Variants in PRKN observed in about 807,000 individuals in gnomAD.
The protein encoded by PRKN is parkin RBR E3 ubiquitin protein ligase, also known as E3 ubiquitin-protein ligase parkin.
A neutral mutation model predicts 59.5 loss-of-function variants in PRKN; 56 were observed. The observed-to-expected ratio is 0.94, with a 90% CI of 0.76 to 1.18. The LOEUF is 1.18. Among genes scored for constraint, PRKN ranks in the 50% most tolerant of loss-of-function variants. The pLI, the probability that PRKN is intolerant of heterozygous loss-of-function variation, is 0.00. For missense variants in PRKN, 657 were observed against 596.4 expected, an observed-to-expected ratio of 1.10 and a Z score of -1.06; for synonymous variants, 250 against 222.1, an observed-to-expected ratio of 1.13 and a Z score of -1.12.
chr6:162,295,190 G>C (rs997519979), intron 2 of PRKN, among the ~76,000 whole-genome samples: 32 of 152,156 alleles, frequency 2.1e-4, no homozygotes, highest in African/African-American at 7.5e-4. Flanking sequence ...TCCAAATGCT[G>C]GTCGCTCGGT....
At chr6:162,721,037 G>T (rs1039696644) in intron 1 of PRKN, among the ~76,000 whole-genome samples, 6 of 152,146 alleles carry the variant, frequency 3.9e-5, no homozygotes, top group African/African-American at 9.7e-5. Flanking sequence ...TTTTTAAAAA[G>T]AAATATGGCC....
chr6:161,769,185 AATTAAACC>A (rs1789557649), intron 7 of PRKN, among the ~76,000 whole-genome samples: 1 of 152,226 alleles, frequency 6.6e-6, no homozygotes, highest in Non-Finnish European at 1.5e-5. Context: ...ATACAACTTC[AATTAAACC>A]TACATCGCAG....
At position 162,458,536 on chromosome 6, in the gene PRKN, T is replaced by C. The variant is rs1350557879; in HGVS notation, c.8-15063A>G. 2.6e-5 allele frequency among the ~76,000 whole-genome samples: 4 copies of C among 151,788 alleles called. No homozygotes were observed. In the East Asian group the frequency reaches 7.7e-4, roughly 29 times the overall value. ...ACTTTAAGGAAAAGATAGTACTATA[T>C]AAATATATTCCACTGTTAAATATTT... On this transcript the variant is annotated intron_variant, in intron 1 of 11. Transcript: ENST00000366898.
Position 161,426,672 on chromosome 6 carries a change from C to CAG in PRKN, c.1084-39796_1084-39795insCT. ...ACACACACACACACACACACACACA[C>CAG]ACACCTCCTATTAGTTCTGTCCCTC... On this transcript the variant is annotated intron_variant, in intron 9 of 11. Coordinates refer to ENST00000366898, the MANE Select transcript of PRKN (RefSeq NM_004562.3). Among the ~76,000 whole-genome samples the CAG allele has an allele frequency of 1.5e-5, 2 of 134,720 alleles. 1 individual carries two copies. The highest frequency in any genetic ancestry group is 5.3e-4 in the East Asian group (2 of 3,798). The allele number at this position is 134,720 out of a possible 152,430, so 88.4% of individuals were successfully genotyped here. A position where few individuals can be genotyped will look rare whatever the true frequency, so the allele number is the denominator to read the frequency against.
intron 1 of PRKN, among the ~76,000 whole-genome samples, chr6:162,491,454 G>A (rs1562326946): frequency 6.6e-6 from 1 of 152,170 alleles, no homozygotes; most frequent in Admixed American, 6.5e-5. Context: ...GCGTGACGAC[G>A]TCACCCTACA....
intron 5 of PRKN, among the ~76,000 whole-genome samples, chr6:162,053,688 A>C (rs556121552): frequency 6.6e-6 from 1 of 152,168 alleles, no homozygotes; most frequent in Non-Finnish European, 1.5e-5. Flanking sequence ...AAAAAAAATC[A>C]ATTTTGAATG....
At chr6:161,708,763 C>T (rs532254709) in intron 7 of PRKN, among the ~76,000 whole-genome samples, 8 of 152,244 alleles carry the variant, frequency 5.3e-5, no homozygotes, top group African/African-American at 1.7e-4. Context: ...AACGATGCAG[C>T]GACGTGCCCC....
intron 7 of PRKN, among the ~76,000 whole-genome samples, chr6:161,612,767 C>G (rs908790182): frequency 4.0e-5 from 6 of 149,166 alleles, no homozygotes; most frequent in African/African-American, 1.5e-4. Context: ...TCTGACTGTG[C>G]TCTATAAATG....
Position 162,339,339 on chromosome 6 carries a change from TG to T in PRKN, c.172-76575del, listed in dbSNP as rs1324284435. Among the ~76,000 whole-genome samples the T allele has an allele frequency of 7.7e-3, 563 of 72,796 alleles. 2 individuals are homozygous for T. The highest frequency in any genetic ancestry group is 0.013 in the Admixed American group (88 of 6,946). 47.8% of individuals were successfully genotyped at this position (72,796 alleles called of 152,430 possible). ...CCAGCCGCGCCGTCTGGGAGGGAGG[TG>T]GGGGGGTCAGCCCCCGCCCGGCCAG... On this transcript the variant is annotated intron_variant, in intron 2 of 11. Coordinates refer to ENST00000366898, the MANE Select transcript of PRKN (RefSeq NM_004562.3).
chr6:161,614,250 T>C (rs1782607320), intron 7 of PRKN, among the ~76,000 whole-genome samples: 1 of 152,220 alleles, frequency 6.6e-6, no homozygotes. Context: ...TCGTGTTTAA[T>C]GGCATAACTA....
intron 1 of PRKN, among the ~76,000 whole-genome samples, chr6:162,563,856 G>A (rs1779951818): frequency 6.6e-6 from 1 of 152,018 alleles, no homozygotes; most frequent in Non-Finnish European, 1.5e-5. Flanking sequence ...AGAAATTCTG[G>A]AGCTGAAAAA....
In PRKN at chr6:162,359,079, A is replaced by AAAT. The variant is rs57265104; in HGVS notation, c.171+84230_171+84231insATT. On this transcript the variant is annotated intron_variant, in intron 2 of 11. Transcript: ENST00000366898. ...TGTGGCAAAAAAAAAAAAAAAAAAA[A>AAAT]ATATATATATATATATATGAAATCA... Among the ~76,000 whole-genome samples the AAAT allele has an allele frequency of 1.9e-3, 161 of 83,254 alleles. 2 individuals carry two copies. Among genetic ancestry groups the AAAT allele is most frequent in the African/African-American group, 9.2e-3 (125 of 13,660 alleles). The allele number at this position is 83,254 out of a possible 152,430, so 54.6% of individuals were successfully genotyped here.
chr6:161,562,983 C>T lies in PRKN; in HGVS notation c.933+6372G>A, dbSNP rs192876380. ...GTGGCCTTCATCTTTTGGCACTGTC[C>T]TTCCTGCTCAGTATTTTCCAGCCAC... is the stretch of plus-strand genomic sequence containing the variant. On this transcript the variant is annotated intron_variant, in intron 8 of 11. Transcript: ENST00000366898. The surrounding 1 kb of genome is among the most constrained non-coding windows in gnomAD (Gnocchi z 4.3). Among the ~76,000 whole-genome samples the T allele has an allele frequency of 1.8e-3, 279 of 152,264 alleles. 2 individuals carry two copies. Among genetic ancestry groups the T allele is most frequent in the Admixed American group, 0.018 (270 of 15,294 alleles).
At chr6:161,636,407 G>A (rs571380488) in intron 7 of PRKN, among the ~76,000 whole-genome samples, 2 of 152,336 alleles carry the variant, frequency 1.3e-5, no homozygotes, top group South Asian at 2.1e-4. Flanking sequence ...ACACTGGGCC[G>A]GACCTCTGTG....
At chr6:161,852,359 G>A (rs1425060388) in intron 6 of PRKN, among the ~76,000 whole-genome samples, 2 of 151,776 alleles carry the variant, frequency 1.3e-5, no homozygotes, top group Non-Finnish European at 1.5e-5. Context: ...AGTTGGAGGC[G>A]GGAGGATCAC....
At chr6:162,679,637 A>C (rs1779693952) in intron 1 of PRKN, among the ~76,000 whole-genome samples, 2 of 152,100 alleles carry the variant, frequency 1.3e-5, no homozygotes, top group Admixed American at 1.3e-4. Flanking sequence ...AAGTAACCAC[A>C]CCTATTAATG....
intron 1 of PRKN, among the ~76,000 whole-genome samples, chr6:162,585,418 C>T (rs1219279947): frequency 2.0e-5 from 3 of 152,120 alleles, no homozygotes; most frequent in Admixed American, 2.0e-4. Context: ...TCTAACTGCA[C>T]CCAATTCCTA....
intron 4 of PRKN, among the ~76,000 whole-genome samples, chr6:162,102,040 T>C (rs1779992138): frequency 6.6e-6 from 1 of 152,230 alleles, no homozygotes; most frequent in Non-Finnish European, 1.5e-5. Flanking sequence ...TTTCTCTTTT[T>C]TAATTTTAAG....
chr6:162,222,656 T>C (rs768736389), intron 3 of PRKN, among the ~76,000 whole-genome samples: 2 of 152,138 alleles, frequency 1.3e-5, no homozygotes, highest in Non-Finnish European at 2.9e-5. Flanking sequence ...GAGTGGAGGA[T>C]GCAGTTAAGC....
Sources: allele counts gnomAD v4.1 joint callset (sites outside exome capture counted in the v4.1 genomes callset), GRCh38; gene constraint gnomAD v4.1.1; non-coding constraint Gnocchi (gnomAD v3.1); transcripts MANE v1.5; gene names NCBI Gene and HGNC (gene_info 2026-07-23, HGNC 2026-07-21).